The following CNTN5 variants were observed in gnomAD, a reference collection of about 807,000 sequenced individuals.
CNTN5 encodes contactin 5, also known as contactin-5.
CNTN5 carries 77 observed loss-of-function variants against 129.1 expected under a neutral mutation model. The ratio of observed to expected loss-of-function variants is 0.60; its 90% CI spans 0.50 to 0.72. The LOEUF is 0.72. Among genes scored for constraint, CNTN5 ranks in the 30% least tolerant of loss-of-function variants. The pLI is 0.00. For synonymous variants in CNTN5, 509 were observed against 465.6 expected, an observed-to-expected ratio of 1.09 and a Z score of -1.20; for missense variants, 1,478 against 1,328.8, an observed-to-expected ratio of 1.11 and a Z score of -1.75.
At chr11:99,369,307 A>G (rs779859906) in intron 2 of CNTN5, among the ~76,000 whole-genome samples, 20 of 121,728 alleles carry the variant, frequency 1.6e-4, no homozygotes, top group Non-Finnish European at 2.6e-4. Flanking sequence ...TATACAGTCA[A>G]GAAGGAACCT....
chr11:100,316,945 T>C (rs986673032), intron 21 of CNTN5, among the ~76,000 whole-genome samples: 2 of 152,218 alleles, frequency 1.3e-5, no homozygotes. Context: ...CATTTTACAA[T>C]ACTCACTAAA....
intron 8 of CNTN5, among the ~76,000 whole-genome samples, chr11:99,976,292 A>C (rs1162282932): frequency 6.6e-6 from 1 of 152,174 alleles, no homozygotes; most frequent in Non-Finnish European, 1.5e-5. Flanking sequence ...AGCTTTTCTA[A>C]GCACATGGTG....
chr11:99,736,026 CTCTT>C (rs975484819), intron 3 of CNTN5, among the ~76,000 whole-genome samples: 17 of 151,690 alleles, frequency 1.1e-4, no homozygotes, highest in African/African-American at 3.1e-4. Flanking sequence ...TTTTTTTTCT[CTCTT>C]TCTTTTTCTT....
At chr11:99,580,998 T>A (rs2135615786) in intron 3 of CNTN5, among the ~76,000 whole-genome samples, 1 of 148,876 alleles carries the variant, frequency 6.7e-6, no homozygotes, top group Non-Finnish European at 1.5e-5. Context: ...TACACACTGC[T>A]TTGAATATGT....
At chr11:99,602,312 G>A (rs867743375) in intron 3 of CNTN5, among the ~76,000 whole-genome samples, 1 of 151,970 alleles carries the variant, frequency 6.6e-6, no homozygotes, top group Non-Finnish European at 1.5e-5. Context: ...TATTTTTGAT[G>A]GAGAATAGAA....
At chr11:99,064,803 T>G (rs2135225950) in intron 1 of CNTN5, among the ~76,000 whole-genome samples, 1 of 152,188 alleles carries the variant, frequency 6.6e-6, no homozygotes, top group East Asian at 1.9e-4. Context: ...TTACTTAAAA[T>G]ATTCTTGTAA....
intron 2 of CNTN5, among the ~76,000 whole-genome samples, chr11:99,533,243 A>T (rs1947780768): frequency 6.6e-6 from 1 of 152,182 alleles, no homozygotes; most frequent in African/African-American, 2.4e-5. Flanking sequence ...AAACCAACAA[A>T]CAAATGACAA....
chr11:100,350,922 T>C (rs756735628), intron 24 of CNTN5, 52 bp downstream of exon 24: 6 of 1,426,600 alleles, frequency 4.2e-6, no homozygotes, highest in Non-Finnish European at 5.7e-6. Context: ...AATTACGAGA[T>C]GGTATGAAAG....
At chr11:100,224,844 T>C in intron 16 of CNTN5, 32 bp downstream of exon 16, 3 of 1,608,790 alleles carry the variant, frequency 1.9e-6, no homozygotes, top group East Asian at 2.2e-5. Flanking sequence ...TCTGAAGACA[T>C]GATCACCATA....
At chr11:100,136,823 A>G (rs1946541875) in intron 13 of CNTN5, among the ~76,000 whole-genome samples, 1 of 151,722 alleles carries the variant, frequency 6.6e-6, no homozygotes, top group Non-Finnish European at 1.5e-5. Flanking sequence ...GAAGAAACAA[A>G]CACTTGGGAA....
chr11:99,995,222 C>A lies in CNTN5; in HGVS notation c.878-6812C>A, dbSNP rs536521133. Among the ~76,000 whole-genome samples the A allele has an allele frequency of 2.0e-5, 3 of 152,090 alleles. No homozygotes were observed. In the East Asian group the frequency reaches 5.8e-4, roughly 29 times the overall value. On this transcript the variant is annotated intron_variant, in intron 8 of 24. Coordinates refer to ENST00000524871, the MANE Select transcript of CNTN5 (RefSeq NM_014361.4). The stretch of plus-strand genomic sequence containing the variant: ...AAAATGAAACCCAGAGTTTTCTGAT[C>A]TGTCAGAGATGGTACAGACTAGACA...
intron 1 of CNTN5, among the ~76,000 whole-genome samples, chr11:99,268,786 A>G (rs1478189162): frequency 6.6e-6 from 1 of 152,010 alleles, no homozygotes; most frequent in Non-Finnish European, 1.5e-5. Flanking sequence ...CTTTTAGAGC[A>G]TTCGTCTAAT....
intron 4 of CNTN5, among the ~76,000 whole-genome samples, chr11:99,830,630 A>T (rs1947109641): frequency 6.6e-6 from 1 of 152,170 alleles, no homozygotes; most frequent in Non-Finnish European, 1.5e-5. Flanking sequence ...ACTTCTAAAT[A>T]AAATACATCA....
chr11:99,972,800 A>G (rs2137313234), intron 8 of CNTN5, among the ~76,000 whole-genome samples: 1 of 152,278 alleles, frequency 6.6e-6, no homozygotes, highest in South Asian at 2.1e-4. Context: ...GATTGGAAGA[A>G]CGAGACCAGT....
chr11:100,055,972 T>C (rs182114233), intron 9 of CNTN5, among the ~76,000 whole-genome samples: 3 of 151,670 alleles, frequency 2.0e-5, no homozygotes, highest in Admixed American at 1.3e-4. Context: ...GTATTTTCTG[T>C]CTCCCTTCCT....
At chr11:99,858,805 T>A (rs1948120313) in intron 6 of CNTN5, among the ~76,000 whole-genome samples, 1 of 152,028 alleles carries the variant, frequency 6.6e-6, no homozygotes, top group South Asian at 2.1e-4. Context: ...GCACGATTTT[T>A]AAAAATGTCA....
At chr11:99,812,664 A>G (rs577410156) in intron 3 of CNTN5, among the ~76,000 whole-genome samples, 5 of 152,064 alleles carry the variant, frequency 3.3e-5, no homozygotes, top group Non-Finnish European at 7.4e-5. Context: ...TGGAATCTAG[A>G]TTTGAATTCA....
chr11:99,383,398 T>G (rs1940723189), intron 2 of CNTN5, among the ~76,000 whole-genome samples: 1 of 152,208 alleles, frequency 6.6e-6, no homozygotes, highest in Non-Finnish European at 1.5e-5. Flanking sequence ...GGTTTGCTAA[T>G]GATAGCATGT....
At chr11:99,817,306 GC>G (rs1946619671) in intron 3 of CNTN5, among the ~76,000 whole-genome samples, 1 of 152,196 alleles carries the variant, frequency 6.6e-6, no homozygotes, top group Non-Finnish European at 1.5e-5. Context: ...AATCTTTACT[GC>G]AACAGATAAA....
Sources: allele counts gnomAD v4.1 joint callset (sites outside exome capture counted in the v4.1 genomes callset), GRCh38; gene constraint gnomAD v4.1.1; transcripts MANE v1.5; gene names NCBI Gene and HGNC (gene_info 2026-07-23, HGNC 2026-07-21).